Variants in UNC80 observed in about 807,000 individuals in gnomAD.
UNC80 encodes protein unc-80 homolog.
A neutral mutation model predicts 384.6 loss-of-function variants in UNC80; 164 were observed. The ratio of observed to expected loss-of-function variants is 0.43; its 90% CI spans 0.38 to 0.49. The LOEUF is 0.49. UNC80 is among the 20% of genes least tolerant of loss of function. UNC80 has a pLI of 0.00. For synonymous variants in UNC80, 1,486 were observed against 1,527.8 expected, an observed-to-expected ratio of 0.97 and a Z score of 0.64; for missense variants, 3,330 against 4,143.0, an observed-to-expected ratio of 0.80 and a Z score of 5.39.
At position 209,819,065 on chromosome 2, in the gene UNC80, C is replaced by T; in HGVS notation, c.1766C>T (p.Ala589Val). Residue 589 changes from alanine (A) to valine (V), a missense_variant, in exon 12 of 65, where the codon GCA (alanine) becomes GTA (valine). By Grantham distance (64) the Ala-to-Val change is moderately conservative. Coordinates refer to ENST00000673920, the MANE Select transcript of UNC80 (RefSeq NM_001371986.1). ...TTLASFNVGYADFFNEHMRKL... is the reference protein window; with the variant it reads ...TTLASFNVGYVDFFNEHMRKL... ...TTGGCGTCATTCAACGTAGGCTATG[C>T]AGACTTTTTCAATGAGCATATGAGG... 6.4e-7 allele frequency: 1 copy of T among 1,551,930 alleles called. No individual in the cohort carries two copies. The highest frequency in any genetic ancestry group is 8.7e-7 in the Non-Finnish European group (1 of 1,147,044).
intron 6 of UNC80, 145 bp downstream of exon 6, chr2:209,789,750 G>A: frequency 1.8e-6 from 1 of 561,938 alleles, no homozygotes; most frequent in Non-Finnish European, 3.1e-6. Context: ...AACAGCTTCA[G>A]GTTTTTTATC....
chr2:209,865,381 T>G (rs1167318974), intron 22 of UNC80, among the ~76,000 whole-genome samples: 1 of 152,128 alleles, frequency 6.6e-6, no homozygotes, highest in East Asian at 1.9e-4. Context: ...GGCAGGCGGA[T>G]CGCGAGGTCA....
intron 61 of UNC80, among the ~76,000 whole-genome samples, chr2:209,986,495 G>A (rs1446237041): frequency 6.6e-6 from 1 of 152,186 alleles, no homozygotes; most frequent in East Asian, 1.9e-4. Context: ...TGGTTCCAGT[G>A]TCAATGGAAA....
chr2:209,788,112 A>G (rs1203745160), intron 5 of UNC80, among the ~76,000 whole-genome samples: 1 of 152,170 alleles, frequency 6.6e-6, no homozygotes, highest in Non-Finnish European at 1.5e-5. Context: ...CAGTAGCTGC[A>G]CTTGTTTTAA....
chr2:209,973,123 C>G lies in UNC80; in HGVS notation c.8440C>G (p.Leu2814Val), dbSNP rs750786142. 8 of 1,551,544 alleles carry G rather than the reference C, an allele frequency of 5.2e-6. No homozygotes were observed. The highest frequency in any genetic ancestry group is 7.0e-6 in the Non-Finnish European group (8 of 1,147,018). Residue 2814 changes from leucine to valine, a missense_variant, in exon 56 of 65, where the codon CTC (leucine) becomes GTC (valine). Physicochemically the swap from Leu to Val is conservative, Grantham distance 32. Around this residue, in one of 8 missense-constraint regions of UNC80, gnomAD observed 1,049 missense variants for 1,488.6 expected, o/e 0.70. Coordinates refer to ENST00000673920, the MANE Select transcript of UNC80 (RefSeq NM_001371986.1). ...GCTGCTGCAGACAGTCATCAATGTA[C>G]TCCTCCCACCGCGGATCATCAGCAC... The part of the protein sequence containing the change: ...QLLLQTVINV[L>V]LPPRIISTSR...
At chr2:209,958,519 A>G (rs969902179) in intron 49 of UNC80, among the ~76,000 whole-genome samples, 6 of 152,218 alleles carry the variant, frequency 3.9e-5, no homozygotes, top group Non-Finnish European at 1.5e-5. Flanking sequence ...CATATTAAAA[A>G]TAAAACAAAA....
chr2:209,868,890 C>T (rs766230332), intron 22 of UNC80, among the ~76,000 whole-genome samples: 6 of 152,110 alleles, frequency 3.9e-5, no homozygotes, highest in East Asian at 1.9e-4. Context: ...CTGGAAACTA[C>T]GAAGTTATAA....
At position 209,887,617 on chromosome 2, in the gene UNC80, C is replaced by T. The variant is rs187460969; in HGVS notation, c.4111-478C>T. Reference sequence around the variant, plus strand: ...CGAGCACAGTTCCGAGTCTGATTTCCGAGCTCCTACTCTCAGTCTTAAAAT... The same window carrying T: ...CGAGCACAGTTCCGAGTCTGATTTCTGAGCTCCTACTCTCAGTCTTAAAAT... On this transcript the variant is annotated intron_variant, in intron 25 of 64. Coordinates refer to ENST00000673920, the MANE Select transcript of UNC80 (RefSeq NM_001371986.1). 1.9e-3 allele frequency among the ~76,000 whole-genome samples: 282 copies of T among 152,248 alleles called. 1 individual carries two copies. The highest frequency in any genetic ancestry group is 5.7e-3 in the African/African-American group (238 of 41,540).
intron 13 of UNC80, among the ~76,000 whole-genome samples, chr2:209,822,910 A>G (rs902160476): frequency 7.9e-5 from 12 of 152,218 alleles, no homozygotes; most frequent in African/African-American, 2.9e-4. Flanking sequence ...CAAGATAGAT[A>G]TGTTTTATAG....
intron 9 of UNC80, 71 bp from the exon 10 acceptor site, chr2:209,816,838 G>C: frequency 1.4e-6 from 2 of 1,395,366 alleles, no homozygotes; most frequent in Non-Finnish European, 2.0e-6. Context: ...GCAGATCATG[G>C]AGCCCCTTGG....
At chr2:209,908,937 C>T (rs1303031168) in intron 29 of UNC80, among the ~76,000 whole-genome samples, 1 of 152,094 alleles carries the variant, frequency 6.6e-6, no homozygotes, top group Non-Finnish European at 1.5e-5. Context: ...CTCAGAGAGC[C>T]CAGTAGGCTG....
At chr2:209,776,734 A>G (rs1192662471) in intron 3 of UNC80, among the ~76,000 whole-genome samples, 1 of 152,266 alleles carries the variant, frequency 6.6e-6, no homozygotes, top group Non-Finnish European at 1.5e-5. Flanking sequence ...TATTTGCCTC[A>G]GACATTTTCC....
intron 59 of UNC80, among the ~76,000 whole-genome samples, chr2:209,981,737 C>T (rs530967777): frequency 6.6e-6 from 1 of 152,306 alleles, no homozygotes; most frequent in South Asian, 2.1e-4. Flanking sequence ...CTGAAATTGT[C>T]TTTCCCTCAG....
chr2:209,897,497 TCTC>T (rs1340007196), intron 28 of UNC80, among the ~76,000 whole-genome samples: 1 of 152,166 alleles, frequency 6.6e-6, no homozygotes. Context: ...TTGTTGTTCT[TCTC>T]CTTCACAATG....
intron 21 of UNC80, among the ~76,000 whole-genome samples, chr2:209,846,207 G>A (rs1454676248): frequency 6.6e-6 from 1 of 152,008 alleles, no homozygotes; most frequent in Non-Finnish European, 1.5e-5. Context: ...TCACTGATTT[G>A]AGATGAAATG....
At chr2:209,971,158 A>G (rs1417950182) in intron 54 of UNC80, among the ~76,000 whole-genome samples, 2 of 152,216 alleles carry the variant, frequency 1.3e-5, no homozygotes, top group East Asian at 3.9e-4. Context: ...TGAGATCTCA[A>G]ATATAGCAGA....
chr2:209,825,977 G>C lies in UNC80; in HGVS notation c.2402G>C (p.Gly801Ala). 6.4e-7 allele frequency: 1 copy of C among 1,551,062 alleles called. No homozygotes were observed. Among genetic ancestry groups the C allele is most frequent in the Non-Finnish European group, 8.7e-7 (1 of 1,146,572 alleles). Residue 801 changes from glycine to alanine, a missense_variant, in exon 14 of 65, where the codon GGA (glycine) becomes GCA (alanine). Around this residue, in one of 8 missense-constraint regions of UNC80, gnomAD observed 937 missense variants for 1,026.8 expected, o/e 0.91. Coordinates refer to ENST00000673920, the MANE Select transcript of UNC80 (RefSeq NM_001371986.1). ...CTCATCAAAATAGTGAAGTCTTTGG[G>C]ATGTGCCTATGGTTGTGGTGAAGGA... ...TMLIKIVKSL[G>A]CAYGCGEGHR... is the part of the protein sequence containing the mutation.
chr2:209,917,756 T>C (rs1205365671), intron 31 of UNC80, 21 bp from the exon 32 acceptor site: 1 of 1,551,172 alleles, frequency 6.4e-7, no homozygotes, highest in Non-Finnish European at 8.7e-7. Flanking sequence ...GCATAGCTGA[T>C]GAATTGTTGA....
intron 58 of UNC80, 84 bp downstream of exon 58, chr2:209,977,162 A>G: frequency 7.8e-7 from 1 of 1,278,320 alleles, no homozygotes; most frequent in Non-Finnish European, 1.0e-6. Flanking sequence ...AGGTCACCAC[A>G]CTTTTTGGAA....
Sources: allele counts gnomAD v4.1 joint callset (sites outside exome capture counted in the v4.1 genomes callset), GRCh38; gene constraint gnomAD v4.1.1; regional missense constraint gnomAD v4.1.1; transcripts MANE v1.5; gene names NCBI Gene and HGNC (gene_info 2026-07-23, HGNC 2026-07-21).